The following CDK15 variants were observed in gnomAD, a reference collection of about 807,000 sequenced individuals.
The protein encoded by CDK15 is cyclin-dependent kinase 15.
A neutral mutation model predicts 60.3 loss-of-function variants in CDK15; 62 were observed. That is an observed-to-expected ratio of 1.03 (90% CI 0.84 to 1.27). The LOEUF (loss-of-function observed/expected upper bound fraction) is 1.27, where lower values mean the gene tolerates loss of function less well. Ranked by LOEUF, CDK15 falls within the 50% of genes most tolerant of loss-of-function variation. The pLI is 0.00. For synonymous variants in CDK15, 194 were observed against 195.7 expected, an observed-to-expected ratio of 0.99 and a Z score of 0.07; for missense variants, 541 against 527.8, an observed-to-expected ratio of 1.03 and a Z score of -0.25.
chr2:201,889,813 G>C (rs1255292806), intron 12 of CDK15, among the ~76,000 whole-genome samples: 25 of 152,038 alleles, frequency 1.6e-4, no homozygotes. Context: ...ACTTTGGGAG[G>C]CTGAGGCAGG....
intron 10 of CDK15, chr2:201,860,711 A>T: frequency 7.4e-7 from 1 of 1,352,082 alleles, no homozygotes; most frequent in South Asian, 1.1e-5. Context: ...GTTTTTCAGT[A>T]TGCTTGCTTT....
At chr2:201,836,076 A>ATATATATT (rs1168653640) in intron 8 of CDK15, among the ~76,000 whole-genome samples, 2 of 113,006 alleles carry the variant, frequency 1.8e-5, no homozygotes, top group African/African-American at 7.1e-5. Context: ...ATTTATATTT[A>ATATATATT]TATATATTTA....
intron 9 of CDK15, among the ~76,000 whole-genome samples, chr2:201,853,995 A>G (rs1295734864): frequency 6.6e-6 from 1 of 152,072 alleles, no homozygotes; most frequent in Non-Finnish European, 1.5e-5. Flanking sequence ...CCCCGTCTCT[A>G]CTAAAAATAC....
intron 10 of CDK15, among the ~76,000 whole-genome samples, chr2:201,858,027 T>G (rs1574910419): frequency 6.6e-6 from 1 of 152,282 alleles, no homozygotes; most frequent in Non-Finnish European, 1.5e-5. Flanking sequence ...AAACTTTGAA[T>G]CAGCCAGTAC....
In CDK15 at chr2:201,806,696, A is replaced by G. The variant is rs749369969; in HGVS notation, c.32A>G (p.Gln11Arg). The G allele has an allele frequency of 1.7e-5, 27 of 1,597,694 alleles. No individual in the cohort carries two copies. In the East Asian group the frequency reaches 3.3e-4, roughly 20 times the overall value. Residue 11 changes from glutamine to arginine, a missense_variant, in exon 1 of 14, where the codon CAG becomes CGG. By Grantham distance (43) the Gln-to-Arg change is conservative. Coordinates refer to ENST00000652192, the MANE Select transcript of CDK15 (RefSeq NM_001366386.2). Reference sequence around the variant, plus strand: ...CAAGAGCTGTGTGCAAAGACTGTACAGCCTGGATGCAGCTGCTACCATTGT... The same window carrying G: ...CAAGAGCTGTGTGCAAAGACTGTACGGCCTGGATGCAGCTGCTACCATTGT... MGQELCAKTVQPGCSCYHCSE... is the reference protein window; with the variant it reads MGQELCAKTVRPGCSCYHCSE...
intron 4 of CDK15, among the ~76,000 whole-genome samples, chr2:201,815,732 C>A (rs961730371): frequency 4.6e-5 from 7 of 152,288 alleles, no homozygotes; most frequent in Admixed American, 2.6e-4. Flanking sequence ...TGAGGACTTT[C>A]AGCCTGTTAA....
chr2:201,813,038 C>T (rs891970136), intron 4 of CDK15, among the ~76,000 whole-genome samples: 1 of 152,146 alleles, frequency 6.6e-6, no homozygotes, highest in African/African-American at 2.4e-5. Context: ...GGGTGAGGAA[C>T]CTGGTGTCAA....
chr2:201,889,276 C>A (rs1699560608), intron 12 of CDK15: 1 of 985,234 alleles, frequency 1.0e-6, no homozygotes, highest in Non-Finnish European at 1.2e-6. Flanking sequence ...CAGATTTATG[C>A]AAATTGTGAA....
chr2:201,830,610 T>C (rs1574868959), intron 6 of CDK15, among the ~76,000 whole-genome samples: 1 of 151,990 alleles, frequency 6.6e-6, no homozygotes, highest in Non-Finnish European at 1.5e-5. Context: ...GGAGCTGAGG[T>C]TGGCTAGAGC....
At chr2:201,883,695 A>G (rs918536966) in intron 12 of CDK15, among the ~76,000 whole-genome samples, 9 of 152,236 alleles carry the variant, frequency 5.9e-5, no homozygotes, top group African/African-American at 2.2e-4. Context: ...AAACACAGCC[A>G]ACAGCAAGCT....
intron 4 of CDK15, among the ~76,000 whole-genome samples, chr2:201,815,195 C>T (rs1255825970): frequency 2.0e-5 from 3 of 152,136 alleles, no homozygotes; most frequent in Non-Finnish European, 2.9e-5. Context: ...AAGTGATCTG[C>T]GTGTCTCAGC....
chr2:201,827,511 G>T (rs1456462077), intron 6 of CDK15, among the ~76,000 whole-genome samples: 1 of 152,176 alleles, frequency 6.6e-6, no homozygotes, highest in East Asian at 1.9e-4. Flanking sequence ...AGTTTGAGTT[G>T]AGAGAAAATA....
At chr2:201,829,971 C>T (rs1448812844) in intron 6 of CDK15, among the ~76,000 whole-genome samples, 1 of 152,008 alleles carries the variant, frequency 6.6e-6, no homozygotes, top group African/African-American at 2.4e-5. Flanking sequence ...CCTCACCTGA[C>T]TAATTTTTGT....
intron 6 of CDK15, among the ~76,000 whole-genome samples, chr2:201,831,919 T>C (rs1696767564): frequency 6.6e-6 from 1 of 152,238 alleles, no homozygotes; most frequent in African/African-American, 2.4e-5. Flanking sequence ...CATTGAGCCC[T>C]GGTTTTCTCT....
At chr2:201,883,381 CA>C (rs1460116237) in intron 12 of CDK15, among the ~76,000 whole-genome samples, 2 of 152,100 alleles carry the variant, frequency 1.3e-5, no homozygotes, top group African/African-American at 4.8e-5. Flanking sequence ...AAATTCCACA[CA>C]AAATGAAAGA....
chr2:201,814,057 G>A (rs1208841220), intron 4 of CDK15, among the ~76,000 whole-genome samples: 1 of 152,230 alleles, frequency 6.6e-6, no homozygotes, highest in Non-Finnish European at 1.5e-5. Flanking sequence ...ACCCGCATAA[G>A]AGGAAGGTTT....
chr2:201,864,363 G>T (rs1698522489), intron 10 of CDK15, among the ~76,000 whole-genome samples: 1 of 152,196 alleles, frequency 6.6e-6, no homozygotes, highest in Middle Eastern at 3.2e-3. Flanking sequence ...TGTCACCCAG[G>T]CTGGGGTACA....
rs1004016166 is a variant in CDK15 at position 201,835,867 on chromosome 2, TA to T, written c.851+105del. ...ATTCTAAAAATGGCAATCACGTATA[TA>T]TTTTTATATATATTTATATTTATAT... On this transcript the variant is annotated intron_variant, in intron 8 of 13. Transcript: ENST00000652192. 1.7e-5 allele frequency: 8 copies of T among 468,716 alleles called. No homozygotes were observed. In the African/African-American group the frequency reaches 1.8e-4, roughly 10 times the overall value. 29.0% of individuals were successfully genotyped at this position (468,716 alleles called of 1,614,324 possible).
At chr2:201,835,195 A>G (rs1351146244) in intron 7 of CDK15, among the ~76,000 whole-genome samples, 1 of 152,208 alleles carries the variant, frequency 6.6e-6, no homozygotes, top group African/African-American at 2.4e-5. Context: ...AAGCAGGCAG[A>G]GCATGTATGG....
Sources: gnomAD v4.1 joint callset for allele counts (sites outside exome capture counted in the v4.1 genomes callset) on GRCh38, gnomAD v4.1.1 for gene constraint, MANE v1.5 for transcripts, NCBI Gene and HGNC (gene_info 2026-07-23, HGNC 2026-07-21) for gene names.